The following LHPP variants were observed in gnomAD, a reference collection of about 807,000 sequenced individuals.
The protein encoded by LHPP is phospholysine phosphohistidine inorganic pyrophosphate phosphatase.
Under a neutral mutation model 30.3 loss-of-function variants are expected in LHPP, and 24 were observed. The observed-to-expected ratio is 0.79, with a 90% CI of 0.57 to 1.11. LHPP has a LOEUF of 1.11. Ranked by LOEUF, LHPP falls within the 50% of genes most tolerant of loss-of-function variation. The pLI, the probability that LHPP is intolerant of heterozygous loss-of-function variation, is 0.00. For missense variants in LHPP, 356 were observed against 367.2 expected (o/e 0.97, Z 0.25); for synonymous variants, 150 against 157.1 (o/e 0.95, Z 0.34).
chr10:124,474,166 G>T (rs1289702855), intron 1 of LHPP, among the ~76,000 whole-genome samples: 5 of 134,970 alleles, frequency 3.7e-5, no homozygotes, highest in Non-Finnish European at 6.2e-5. Flanking sequence ...TTGAGACAGG[G>T]TCTCACTTTG....
chr10:124,529,265 G>C (rs1354537194), intron 6 of LHPP, among the ~76,000 whole-genome samples: 1 of 151,984 alleles, frequency 6.6e-6, no homozygotes. Context: ...TCAATCTCCT[G>C]ACCTCGTGAT....
At chr10:124,489,642 C>A (rs550016905) in intron 3 of LHPP, among the ~76,000 whole-genome samples, 1 of 151,914 alleles carries the variant, frequency 6.6e-6, no homozygotes, top group Non-Finnish European at 1.5e-5. Flanking sequence ...TTGGTAGAGG[C>A]GGGGTTTCAC....
chr10:124,587,394 C>T (rs12768755), intron 6 of LHPP, among the ~76,000 whole-genome samples: 20,185 of 151,874 alleles, frequency 0.13, 1,816 homozygotes, highest in Non-Finnish European at 0.2. Context: ...GAAGCCATGT[C>T]CCCTCCACTT....
intron 6 of LHPP, among the ~76,000 whole-genome samples, chr10:124,546,437 C>G (rs889238039): frequency 2.0e-5 from 3 of 152,248 alleles, no homozygotes; most frequent in Admixed American, 6.5e-5. Flanking sequence ...GAGTCTCACT[C>G]TGTCGCCCAG....
At chr10:124,560,724 G>A (rs1180694381) in intron 6 of LHPP, among the ~76,000 whole-genome samples, 1 of 152,208 alleles carries the variant, frequency 6.6e-6, no homozygotes. Context: ...GAGGGGCCTG[G>A]GGTTTGGCTC....
chr10:124,477,843 A>G (rs989657930), intron 1 of LHPP, among the ~76,000 whole-genome samples: 11 of 152,098 alleles, frequency 7.2e-5, no homozygotes, highest in Non-Finnish European at 1.6e-4. Flanking sequence ...TTTTGATGAC[A>G]CTGCCCCCGA....
At position 124,500,289 on chromosome 10, in the gene LHPP, A is replaced by G. The variant is rs553702186; in HGVS notation, c.624+2161A>G. On this transcript the variant is annotated intron_variant, in intron 5 of 6. Transcript: ENST00000368842. ...GGAGTTCAAGACCAGCCTGGCCAAC[A>G]TGGTGAAACCCCGTCTCTACTAAAA... Among the ~76,000 whole-genome samples the G allele has an allele frequency of 9.3e-4, 141 of 152,006 alleles. 4 individuals are homozygous for G. The highest frequency in any genetic ancestry group is 3.3e-3 in the African/African-American group (137 of 41,296).
At chr10:124,530,023 C>G (rs10794147) in intron 6 of LHPP, among the ~76,000 whole-genome samples, 47,879 of 152,078 alleles carry the variant, frequency 0.31, 8,304 homozygotes, top group Non-Finnish European at 0.39. Flanking sequence ...GCCCAGGCCA[C>G]CCGCATGCAT....
chr10:124,573,893 G>A lies in LHPP; in HGVS notation c.717-39371G>A, dbSNP rs377298162. On this transcript the variant is annotated intron_variant, in intron 6 of 6. Coordinates refer to ENST00000368842, the MANE Select transcript of LHPP (RefSeq NM_022126.4). Reference sequence around the variant, plus strand: ...AGCTTGCCACACTTGACACCCAAACGCTGATTTTGTTTACATGAGACTCAG... The same window carrying A: ...AGCTTGCCACACTTGACACCCAAACACTGATTTTGTTTACATGAGACTCAG... Among the ~76,000 whole-genome samples, 10 of 152,150 alleles carry A rather than the reference G, an allele frequency of 6.6e-5. No individual in the cohort carries two copies. The South Asian group carries it at 8.3e-4, about 13-fold the overall frequency.
intron 6 of LHPP, among the ~76,000 whole-genome samples, chr10:124,531,598 T>C (rs1954904526): frequency 6.6e-6 from 1 of 152,232 alleles, no homozygotes; most frequent in Admixed American, 6.5e-5. Context: ...TTTTGAAGAT[T>C]ACGAGACAGT....
chr10:124,524,371 G>C (rs1954681868), intron 6 of LHPP, among the ~76,000 whole-genome samples: 1 of 150,276 alleles, frequency 6.7e-6, no homozygotes, highest in Non-Finnish European at 1.5e-5. Flanking sequence ...CCGCCTCCCA[G>C]GTTCAAGCGA....
chr10:124,598,104 A>G (rs973184153), intron 6 of LHPP, among the ~76,000 whole-genome samples: 8 of 152,150 alleles, frequency 5.3e-5, no homozygotes, highest in African/African-American at 1.9e-4. Flanking sequence ...CAGTGGTAAG[A>G]TGGGGCAGTG....
chr10:124,569,168 T>G (rs1033277913), intron 6 of LHPP, among the ~76,000 whole-genome samples: 17 of 152,212 alleles, frequency 1.1e-4, no homozygotes, highest in Non-Finnish European at 1.6e-4. Context: ...GGAATGGCTG[T>G]CTTTCTTCTG....
rs1203229677 is a variant in LHPP, at chr10:124,496,826, C to G, written c.468-135C>G. 2.7e-5 allele frequency: 20 copies of G among 745,416 alleles called. No individual in the cohort carries two copies. Among genetic ancestry groups the G allele is most frequent in the Non-Finnish European group, 4.1e-5 (18 of 441,378 alleles). 46.2% of individuals were successfully genotyped at this position (745,416 alleles called of 1,614,324 possible). ...TCCCCTGCGGTCATTCTCAGCGTAGCGCCTGGACTGCCCCTCAGCCGCGGC... is the reference window on the plus strand; with the variant it reads ...TCCCCTGCGGTCATTCTCAGCGTAGGGCCTGGACTGCCCCTCAGCCGCGGC... On this transcript the variant is annotated intron_variant, in intron 3 of 6. Coordinates refer to ENST00000368842, the MANE Select transcript of LHPP (RefSeq NM_022126.4). This position sits in a 1 kb window ranked among gnomAD's most constrained non-coding sequence, Gnocchi z 4.3.
At chr10:124,559,586 G>A (rs559520693) in intron 6 of LHPP, among the ~76,000 whole-genome samples, 1 of 152,276 alleles carries the variant, frequency 6.6e-6, no homozygotes, top group Admixed American at 6.5e-5. Flanking sequence ...GAGGCCCAGA[G>A]TGTACCTGTT....
intron 6 of LHPP, among the ~76,000 whole-genome samples, chr10:124,560,025 C>T (rs866316432): frequency 1.2e-4 from 18 of 152,330 alleles, no homozygotes; most frequent in Admixed American, 5.2e-4. Flanking sequence ...CCAGGCCCTG[C>T]GATCTGGTTT....
intron 1 of LHPP, among the ~76,000 whole-genome samples, chr10:124,476,389 C>G (rs1315859247): frequency 1.3e-5 from 2 of 152,218 alleles, no homozygotes; most frequent in Non-Finnish European, 2.9e-5. Context: ...TGCCCTGTGC[C>G]AGGGGCCCGT....
chr10:124,511,989 G>A (rs1258299987), intron 5 of LHPP, among the ~76,000 whole-genome samples: 1 of 151,188 alleles, frequency 6.6e-6, no homozygotes, highest in Non-Finnish European at 1.5e-5. Flanking sequence ...CCTCCTCTGG[G>A]AGGCCTTTCC....
At chr10:124,610,914 CTGATGGAGCGGGCGA>C (rs1949183002) in intron 6 of LHPP, among the ~76,000 whole-genome samples, 11 of 52,848 alleles carry the variant, frequency 2.1e-4, no homozygotes, top group East Asian at 7.4e-4. Flanking sequence ...GGTGAGGGTG[CTGATGGAGCGGGCGA>C]GGGTGAGGGT....
Sources: allele counts gnomAD v4.1 joint callset (sites outside exome capture counted in the v4.1 genomes callset), GRCh38; gene constraint gnomAD v4.1.1; non-coding constraint Gnocchi (gnomAD v3.1); transcripts MANE v1.5; gene names NCBI Gene and HGNC (gene_info 2026-07-23, HGNC 2026-07-21).